HS6ST3: variants seen among roughly 807,000 people sequenced by gnomAD.
HS6ST3 encodes heparan-sulfate 6-O-sulfotransferase 3.
HS6ST3 carries 12 observed loss-of-function variants against 36.7 expected under a neutral mutation model. The observed-to-expected ratio is 0.33, with a 90% CI of 0.21 to 0.53. HS6ST3 has a LOEUF of 0.53. Ranked by LOEUF, HS6ST3 falls within the 20% of genes least tolerant of loss-of-function variation. The probability of loss-of-function intolerance (pLI) is 0.95; values close to 1 mark genes in which losing one functional copy is unlikely to be tolerated. For missense variants in HS6ST3, 584 were observed against 640.9 expected (o/e 0.91, Z 0.96); for synonymous variants, 240 against 257.5 (o/e 0.93, Z 0.65).
intron 1 of HS6ST3, among the ~76,000 whole-genome samples, chr13:96,778,961 C>T (rs1877459875): frequency 6.6e-6 from 1 of 152,146 alleles, no homozygotes; most frequent in Admixed American, 6.5e-5. Flanking sequence ...AAATGTGGCA[C>T]ATATACACCA....
At chr13:96,515,862 T>A (rs557455335) in intron 1 of HS6ST3, among the ~76,000 whole-genome samples, 1 of 152,262 alleles carries the variant, frequency 6.6e-6, no homozygotes, top group South Asian at 2.1e-4. Flanking sequence ...TGGTATATAG[T>A]CTAAGATACT....
intron 1 of HS6ST3, among the ~76,000 whole-genome samples, chr13:96,180,112 G>A (rs1422291376): frequency 6.6e-6 from 1 of 152,128 alleles, no homozygotes; most frequent in Non-Finnish European, 1.5e-5. Flanking sequence ...TGGGATTACA[G>A]GCGTGACCCA....
intron 1 of HS6ST3, among the ~76,000 whole-genome samples, chr13:96,187,479 T>A (rs536135695): frequency 6.6e-6 from 1 of 152,308 alleles, no homozygotes; most frequent in African/African-American, 2.4e-5. Context: ...GTTTCCCAGT[T>A]AGTCAGTGGC....
At chr13:96,362,198 G>T (rs1313200430) in intron 1 of HS6ST3, among the ~76,000 whole-genome samples, 1 of 152,104 alleles carries the variant, frequency 6.6e-6, no homozygotes, top group Non-Finnish European at 1.5e-5. Context: ...TGCAACCCCT[G>T]TTACTACTGT....
At chr13:96,583,204 CTTTTTTTTTTTTTT>C (rs71292889) in intron 1 of HS6ST3, among the ~76,000 whole-genome samples, 4 of 52,922 alleles carry the variant, frequency 7.6e-5, no homozygotes, top group Admixed American at 7.3e-4. Context: ...TTTTTCTTTT[CTTTTTTTTTTTTTT>C]TTTTTTTTTT....
chr13:96,408,190 G>T (rs181533812), intron 1 of HS6ST3, among the ~76,000 whole-genome samples: 1 of 152,010 alleles, frequency 6.6e-6, no homozygotes, highest in East Asian at 1.9e-4. Context: ...TGCCCCCCTC[G>T]ACCTCCCAAA....
chr13:96,397,171 C>A (rs2055426399), intron 1 of HS6ST3, among the ~76,000 whole-genome samples: 1 of 152,108 alleles, frequency 6.6e-6, no homozygotes, highest in South Asian at 2.1e-4. Context: ...CCACTGCACT[C>A]CAGCCTGGGC....
At chr13:96,136,231 T>C (rs954727349) in intron 1 of HS6ST3, among the ~76,000 whole-genome samples, 5 of 152,194 alleles carry the variant, frequency 3.3e-5, no homozygotes, top group Non-Finnish European at 7.3e-5. Context: ...AAATAAATTT[T>C]ATTGTGTATT....
intron 1 of HS6ST3, among the ~76,000 whole-genome samples, chr13:96,265,129 T>C (rs1034797873): frequency 1.6e-4 from 24 of 152,194 alleles, no homozygotes; most frequent in African/African-American, 5.3e-4. Flanking sequence ...CTTGGAAATT[T>C]TGAATTGAAA....
chr13:96,507,075 G>T (rs1027649872), intron 1 of HS6ST3, among the ~76,000 whole-genome samples: 15 of 152,082 alleles, frequency 9.9e-5, no homozygotes, highest in Admixed American at 9.8e-4. Flanking sequence ...CATACACAAT[G>T]AATTAAATTT....
intron 1 of HS6ST3, among the ~76,000 whole-genome samples, chr13:96,441,014 G>T (rs2055668223): frequency 2.0e-5 from 3 of 152,108 alleles, no homozygotes; most frequent in African/African-American, 4.8e-5. Flanking sequence ...GGTCATGAAG[G>T]TGGAGCCCTA....
intron 1 of HS6ST3, among the ~76,000 whole-genome samples, chr13:96,489,836 A>T (rs1008531689): frequency 2.6e-5 from 4 of 152,264 alleles, no homozygotes; most frequent in Admixed American, 6.5e-5. Context: ...GTATATTTAT[A>T]TCATAGCATA....
At chr13:96,502,032 T>C (rs2056006527) in intron 1 of HS6ST3, among the ~76,000 whole-genome samples, 1 of 152,204 alleles carries the variant, frequency 6.6e-6, no homozygotes, top group South Asian at 2.1e-4. Flanking sequence ...GTATCTTTGT[T>C]AAGGCCTTGT....
chr13:96,453,525 A>G (rs2055740237), intron 1 of HS6ST3, among the ~76,000 whole-genome samples: 1 of 152,232 alleles, frequency 6.6e-6, no homozygotes, highest in East Asian at 1.9e-4. Context: ...ACCGTGGAGA[A>G]CCATCTCTCA....
rs1197775357 is a variant in HS6ST3 at position 96,351,338 on chromosome 13, A to AG, written c.707+259769_707+259770insG. On this transcript the variant is annotated intron_variant, in intron 1 of 1. Transcript: ENST00000376705. ...TGGCAGTCTTTTTTTTTTTTTTTAA[A>AG]AAAAACAAGGTCTTGCTGGGTTGCC... Among the ~76,000 whole-genome samples the AG allele has an allele frequency of 1.8e-4, 25 of 135,344 alleles. No homozygotes were observed. The East Asian group carries it at 5.2e-3, about 28-fold the overall frequency. The allele number at this position is 135,344 out of a possible 152,430, so 88.8% of individuals were successfully genotyped here. A position where few individuals can be genotyped will look rare whatever the true frequency, so the allele number is the denominator to read the frequency against.
chr13:96,778,678 C>T (rs549388247), intron 1 of HS6ST3, among the ~76,000 whole-genome samples: 28 of 152,078 alleles, frequency 1.8e-4, no homozygotes, highest in African/African-American at 5.1e-4. Flanking sequence ...CAACAGACGG[C>T]GGAGAGGATG....
chr13:96,679,490 A>G lies in HS6ST3; in HGVS notation c.708-153000A>G, dbSNP rs192534930. ...GTGGTAACATGGACACATTCACACA[A>G]GCATATTTGGATCCTTTTATTTACT... On this transcript the variant is annotated intron_variant, in intron 1 of 1. Coordinates refer to ENST00000376705, the MANE Select transcript of HS6ST3 (RefSeq NM_153456.4). 2.6e-5 allele frequency among the ~76,000 whole-genome samples: 4 copies of G among 152,164 alleles called. No individual in the cohort carries two copies. The East Asian group carries it at 7.8e-4, about 30-fold the overall frequency.
rs188388715 is a variant in HS6ST3, at chr13:96,143,334, T to A, written c.707+51765T>A. 9.2e-4 allele frequency among the ~76,000 whole-genome samples: 139 copies of A among 151,362 alleles called. 2 individuals are homozygous for A. The highest frequency in any genetic ancestry group is 3.4e-3 in the Middle Eastern group (1 of 290). ...TCTCTTAACCATTTTGTATTTAGGCTGATTATCTGATATATATTCTTGAAA... is the reference window on the plus strand; with the variant it reads ...TCTCTTAACCATTTTGTATTTAGGCAGATTATCTGATATATATTCTTGAAA... On this transcript the variant is annotated intron_variant, in intron 1 of 1. Transcript: ENST00000376705.
chr13:96,472,643 C>T (rs955847591), intron 1 of HS6ST3, among the ~76,000 whole-genome samples: 1 of 152,106 alleles, frequency 6.6e-6, no homozygotes, highest in East Asian at 1.9e-4. Flanking sequence ...TAGAATTGAA[C>T]GTTCCTCAAA....
Sources: gnomAD v4.1 joint callset for allele counts (sites outside exome capture counted in the v4.1 genomes callset) on GRCh38, gnomAD v4.1.1 for gene constraint, MANE v1.5 for transcripts, NCBI Gene and HGNC (gene_info 2026-07-23, HGNC 2026-07-21) for gene names.